SAMD15: variants seen among roughly 807,000 people sequenced by gnomAD.
The protein encoded by SAMD15 is sterile alpha motif domain containing 15, also known as sterile alpha motif domain-containing protein 15.
SAMD15 carries 37 observed loss-of-function variants against 50.5 expected under a neutral mutation model. The observed-to-expected ratio is 0.73, with a 90% CI of 0.56 to 0.96. The LOEUF (loss-of-function observed/expected upper bound fraction) is 0.96. Ranked by LOEUF, SAMD15 falls within the 40% of genes least tolerant of loss-of-function variation. The probability of loss-of-function intolerance (pLI) is 0.00; values close to 1 mark genes in which losing one functional copy is unlikely to be tolerated. For synonymous variants in SAMD15, 255 were observed against 282.8 expected (o/e 0.90, Z 0.99); for missense variants, 789 against 783.8 (o/e 1.01, Z -0.08).
intron 2 of SAMD15, among the ~76,000 whole-genome samples, chr14:77,387,625 A>G (rs1472465083): frequency 6.6e-6 from 1 of 152,024 alleles, no homozygotes; most frequent in Admixed American, 6.6e-5. Flanking sequence ...TGAAATTATT[A>G]TTTTTATTAA....
intron 2 of SAMD15, among the ~76,000 whole-genome samples, chr14:77,381,007 C>T (rs1247771042): frequency 4.6e-5 from 7 of 152,110 alleles, no homozygotes; most frequent in Non-Finnish European, 8.8e-5. Flanking sequence ...CTGCCTGGTG[C>T]GTTCTTCTCT....
At position 77,391,924 on chromosome 14, in the gene SAMD15, C is replaced by T. The variant is rs1293419460; in HGVS notation, c.*680C>T. ...CAAAAATTAGCTGGGCATGGTGGCA[C>T]ATGCCTGTAGTCCCAGCTACTCAGG... On this transcript the variant is annotated 3_prime_UTR_variant, in exon 3 of 3. Transcript: ENST00000216471. 6.6e-6 allele frequency among the ~76,000 whole-genome samples: 1 copy of T among 151,980 alleles called. No individual in the cohort carries two copies. The highest frequency in any genetic ancestry group is 2.4e-5 in the African/African-American group (1 of 41,376).
Position 77,378,229 on chromosome 14 carries a change from A to C in SAMD15, c.811A>C (p.Lys271Gln), listed in dbSNP as rs144922144. Residue 271 changes from lysine (K) to glutamine (Q), a missense_variant, in exon 1 of 3, where the codon AAG (lysine) becomes CAG (glutamine). Around this residue, in one of 2 missense-constraint regions of SAMD15, gnomAD observed 770 missense variants for 745.4 expected, o/e 1.03. Transcript: ENST00000216471. ...RLEFLEKEPRKSSEEAGLEPP... is the reference protein window; with the variant it reads ...RLEFLEKEPRQSSEEAGLEPP... ...GGAATTTCTGGAGAAGGAACCAAGA[A>C]AGTCTAGTGAGGAGGCAGGTCTAGA... 45 of 1,613,816 alleles carry C rather than the reference A, an allele frequency of 2.8e-5. No homozygotes were observed. The highest frequency in any genetic ancestry group is 3.7e-5 in the Non-Finnish European group (44 of 1,179,964).
rs763342787 is a variant in SAMD15, at chr14:77,377,592, G to C, written c.174G>C (p.Glu58Asp). ...AGATTTACCAAGAGCCACAGCCAGAGACCGAGGAAGAGGACTTCAAAGAGG... is the reference window on the plus strand; with the variant it reads ...AGATTTACCAAGAGCCACAGCCAGACACCGAGGAAGAGGACTTCAAAGAGG... ...PAEIYQEPQP[E>D]TEEEDFKEGE... Residue 58 changes from glutamate to aspartate, a missense_variant, in exon 1 of 3, where the codon GAG (glutamate) becomes GAC (aspartate). By Grantham distance (45) the Glu-to-Asp change is conservative. Around this residue, in one of 2 missense-constraint regions of SAMD15, gnomAD observed 770 missense variants for 745.4 expected, o/e 1.03. Coordinates refer to ENST00000216471, the MANE Select transcript of SAMD15 (RefSeq NM_001010860.4). The C allele has an allele frequency of 6.2e-7, 1 of 1,614,142 alleles. No individual in the cohort carries two copies. The highest frequency in any genetic ancestry group is 8.5e-7 in the Non-Finnish European group (1 of 1,180,028).
At chr14:77,385,039 C>T (rs1477368427) in intron 2 of SAMD15, among the ~76,000 whole-genome samples, 4 of 151,650 alleles carry the variant, frequency 2.6e-5, no homozygotes, top group African/African-American at 4.8e-5. Flanking sequence ...AAAAATTAGC[C>T]GGGCCTGGTT....
At chr14:77,390,777 C>T (rs1409383794) in intron 2 of SAMD15, among the ~76,000 whole-genome samples, 2 of 152,088 alleles carry the variant, frequency 1.3e-5, no homozygotes, top group African/African-American at 4.8e-5. Flanking sequence ...GTAATCCCAG[C>T]TACTCAGGAG....
At chr14:77,389,336 T>TA (rs33981468) in intron 2 of SAMD15, among the ~76,000 whole-genome samples, 62 of 149,300 alleles carry the variant, frequency 4.2e-4, no homozygotes, top group Non-Finnish European at 7.6e-4. Flanking sequence ...AGCTTTAAAT[T>TA]AAAAAAAAAA....
In SAMD15 at chr14:77,378,453, TGAG is replaced by T; in HGVS notation, c.1038_1040del (p.Glu347del). 1 of 1,613,366 alleles carries T rather than the reference TGAG, an allele frequency of 6.2e-7. No individual in the cohort carries two copies. Among genetic ancestry groups the T allele is most frequent in the Non-Finnish European group, 8.5e-7 (1 of 1,179,872 alleles). ...CTGAGGAAGAATCAAGAAAAACAAATGAGGAAACAATTCTAGAACAATCAGAAA... is the reference window on the plus strand; with the variant it reads ...CTGAGGAAGAATCAAGAAAAACAAATGAAACAATTCTAGAACAATCAGAAA... On this transcript the variant is annotated inframe_deletion, in exon 1 of 3. Coordinates refer to ENST00000216471, the MANE Select transcript of SAMD15 (RefSeq NM_001010860.4).
Position 77,378,777 on chromosome 14 carries a change from CAA to C in SAMD15, c.1361_1362del (p.Lys454IlefsTer2), listed in dbSNP as rs765925548. On this transcript the variant is annotated frameshift_variant, in exon 1 of 3. Transcript: ENST00000216471. LOFTEE classifies it high-confidence loss of function. ...PKRGKLSLSD[K>X]FRKEYYALGS... ...AAAGAGGAAAGTTGTCACTAAGTGACAAATTTAGAAAAGAATATTACGCATTA... is the reference window on the plus strand; with the variant it reads ...AAAGAGGAAAGTTGTCACTAAGTGACATTTAGAAAAGAATATTACGCATTA... 1 of 1,611,932 alleles carries C rather than the reference CAA, an allele frequency of 6.2e-7. No homozygotes were observed. Among genetic ancestry groups the C allele is most frequent in the African/African-American group, 1.3e-5 (1 of 74,778 alleles).
rs1462594834 is a variant in SAMD15 at position 77,377,624 on chromosome 14, C to T, written c.206C>T (p.Pro69Leu). 1 of 1,614,162 alleles carries T rather than the reference C, an allele frequency of 6.2e-7. No homozygotes were observed. Among genetic ancestry groups the T allele is most frequent in the Non-Finnish European group, 8.5e-7 (1 of 1,180,036 alleles). Residue 69 changes from proline to leucine, a missense_variant, in exon 1 of 3, where the codon CCA becomes CTA. Transcript: ENST00000216471. ...TEEEDFKEGE[P>L]DSAKNVQLKP... ...GAAGAGGACTTCAAAGAGGGGGAGCCAGACAGTGCTAAGAACGTGCAGCTG... is the reference window on the plus strand; with the variant it reads ...GAAGAGGACTTCAAAGAGGGGGAGCTAGACAGTGCTAAGAACGTGCAGCTG...
chr14:77,386,550 G>A (rs531846532), intron 2 of SAMD15, among the ~76,000 whole-genome samples: 119 of 152,266 alleles, frequency 7.8e-4, no homozygotes, highest in African/African-American at 2.8e-3. Flanking sequence ...GCTGAGGTGG[G>A]AGGAATGCCT....
rs753762656 is a variant in SAMD15, at chr14:77,378,763, T to A, written c.1345T>A (p.Leu449Met). ...GCACCGTGAGCCTAAAAGAGGAAAG[T>A]TGTCACTAAGTGACAAATTTAGAAA... Reference protein sequence around the residue: ...LEHREPKRGKLSLSDKFRKEY... With the variant: ...LEHREPKRGKMSLSDKFRKEY... The change falls in exon 1 of 3, where the codon TTG becomes ATG. Residue 449 changes from leucine to methionine, a missense_variant. Transcript: ENST00000216471. 3 of 1,611,564 alleles carry A rather than the reference T, an allele frequency of 1.9e-6. No homozygotes were observed. Among genetic ancestry groups the A allele is most frequent in the Non-Finnish European group, 2.5e-6 (3 of 1,179,406 alleles).
rs554264088 is a variant in SAMD15, at chr14:77,387,182, C to T, written c.1789-3826C>T. Among the ~76,000 whole-genome samples the T allele has an allele frequency of 1.1e-4, 17 of 152,228 alleles. No homozygotes were observed. The East Asian group carries it at 1.3e-3, about 12-fold the overall frequency. On this transcript the variant is annotated intron_variant, in intron 2 of 2. Transcript: ENST00000216471. ...GCACAGTAGCTCACGCCTATAATCC[C>T]GGCACTTTGGGAGGCTGAGGTAGGA...
At position 77,391,343 on chromosome 14, in the gene SAMD15, T is replaced by TA. The variant is rs397709279; in HGVS notation, c.*100dup. On this transcript the variant is annotated 3_prime_UTR_variant, in exon 3 of 3. Transcript: ENST00000216471. ...TTCTTTTTCTCCTTTTTTTTTTTTT[T>TA]ATTTTTTTGAGACAGAGTCTTGCTC... is the stretch of plus-strand genomic sequence containing the variant. The TA allele has an allele frequency of 6.4e-6, 5 of 780,908 alleles. No homozygotes were observed. Among genetic ancestry groups the TA allele is most frequent in the African/African-American group, 1.8e-5 (1 of 55,748 alleles). The allele number at this position is 780,908 out of a possible 1,614,324, so 48.4% of individuals were successfully genotyped here. A position where few individuals can be genotyped will look rare whatever the true frequency, so the allele number is the denominator to read the frequency against.
At position 77,382,249 on chromosome 14, in the gene SAMD15, C is replaced by T. The variant is rs563962180; in HGVS notation, c.1788+1768C>T. On this transcript the variant is annotated intron_variant, in intron 2 of 2. Coordinates refer to ENST00000216471, the MANE Select transcript of SAMD15 (RefSeq NM_001010860.4). ...AAGCGATTTTCCTGCCTCAGCCTCC[C>T]GAGTAGCTGGGACTACAGGCGCGTG... Among the ~76,000 whole-genome samples, 8 of 152,134 alleles carry T rather than the reference C, an allele frequency of 5.3e-5. 1 individual carries two copies. The South Asian group carries it at 1.2e-3, about 24-fold the overall frequency.
chr14:77,390,487 G>A (rs1047829303), intron 2 of SAMD15, among the ~76,000 whole-genome samples: 11 of 152,176 alleles, frequency 7.2e-5, no homozygotes, highest in Admixed American at 2.0e-4. Context: ...GCCTAGAAAT[G>A]TCTTAAATGG....
intron 2 of SAMD15, among the ~76,000 whole-genome samples, chr14:77,390,106 C>T (rs58378884): frequency 0.048 from 7,364 of 151,896 alleles, 588 homozygotes; most frequent in African/African-American, 0.17. Context: ...AGCGATTCTC[C>T]GGCCTCAGTC....
Position 77,380,466 on chromosome 14 carries a change from CTT to C in SAMD15, c.1775_1776del (p.Phe592Ter). On this transcript the variant is annotated frameshift_variant, in exon 2 of 3. Coordinates refer to ENST00000216471, the MANE Select transcript of SAMD15 (RefSeq NM_001010860.4). LOFTEE classifies it low-confidence loss of function (END_TRUNC). ...SNLPQMGITN[F>X]EDMKAISRHT... ...ACCTCCCTCAGATGGGGATAACAAA[CTT>C]TGAGGACATGAAGGTGAGTTGTGTC... The C allele has an allele frequency of 1.2e-6, 2 of 1,612,142 alleles. No individual in the cohort carries two copies. Among genetic ancestry groups the C allele is most frequent in the Non-Finnish European group, 1.7e-6 (2 of 1,178,228 alleles).
intron 2 of SAMD15, among the ~76,000 whole-genome samples, chr14:77,381,158 T>C (rs910849632): frequency 5.9e-5 from 9 of 152,182 alleles, no homozygotes; most frequent in Non-Finnish European, 1.3e-4. Context: ...TCCCAAGTTC[T>C]CATGACATTT....
Sources: allele counts gnomAD v4.1 joint callset (sites outside exome capture counted in the v4.1 genomes callset), GRCh38; gene constraint gnomAD v4.1.1; regional missense constraint gnomAD v4.1.1; transcripts MANE v1.5; gene names NCBI Gene and HGNC (gene_info 2026-07-23, HGNC 2026-07-21).